The following HMCN1 variants were observed in gnomAD, a reference collection of about 807,000 sequenced individuals.
HMCN1 encodes hemicentin-1.
A neutral mutation model predicts 625.9 loss-of-function variants in HMCN1; 321 were observed. The ratio of observed to expected loss-of-function variants is 0.51; its 90% confidence interval spans 0.47 to 0.56. HMCN1 has a LOEUF of 0.56. HMCN1 is among the 20% of genes least tolerant of loss of function. The pLI is 0.00. For missense variants in HMCN1, 6,588 were observed against 6,887.3 expected (o/e 0.96, Z 1.54); for synonymous variants, 2,425 against 2,417.6 (o/e 1.00, Z -0.09).
chr1:185,746,487 C>T (rs776096748), intron 1 of HMCN1, among the ~76,000 whole-genome samples: 31 of 152,098 alleles, frequency 2.0e-4, no homozygotes, highest in Non-Finnish European at 3.4e-4. Flanking sequence ...TGTCTCCCAA[C>T]TTCTAGTGGT....
At chr1:186,081,681 T>A (rs1659178864) in intron 56 of HMCN1, among the ~76,000 whole-genome samples, 1 of 152,170 alleles carries the variant, frequency 6.6e-6, no homozygotes, top group Non-Finnish European at 1.5e-5. Flanking sequence ...TATAAACAAA[T>A]CATTATTGCA....
chr1:185,956,715 C>G (rs1471007328), intron 11 of HMCN1, among the ~76,000 whole-genome samples: 1 of 152,114 alleles, frequency 6.6e-6, no homozygotes, highest in Non-Finnish European at 1.5e-5. Flanking sequence ...CCTTCATCTC[C>G]TCTCCCTTCC....
At chr1:185,753,542 T>G (rs1654946845) in intron 1 of HMCN1, among the ~76,000 whole-genome samples, 2 of 152,178 alleles carry the variant, frequency 1.3e-5, no homozygotes, top group African/African-American at 2.4e-5. Flanking sequence ...TAAATGTTTC[T>G]TTTTACCTTT....
intron 69 of HMCN1, among the ~76,000 whole-genome samples, chr1:186,104,791 C>T (rs115308296): frequency 1.5e-3 from 227 of 152,266 alleles, no homozygotes; most frequent in African/African-American, 5.2e-3. Context: ...TTCCATTCCC[C>T]TTTTTTCTCT....
At position 186,093,181 on chromosome 1, in the gene HMCN1, C is replaced by A. The variant is rs762096497; in HGVS notation, c.9935C>A (p.Ser3312Tyr). 10 of 1,613,224 alleles carry A rather than the reference C, an allele frequency of 6.2e-6. No homozygotes were observed. Among genetic ancestry groups the A allele is most frequent in the Admixed American group, 1.7e-5 (1 of 59,856 alleles). ...TTAAACATTTATGGAGCTCTTACATCTGACACGGGGAAATACACATGTGTT... is the reference window on the plus strand; with the variant it reads ...TTAAACATTTATGGAGCTCTTACATATGACACGGGGAAATACACATGTGTT... ...STLNIYGALT[S>Y]DTGKYTCVAT... Residue 3312 changes from serine (S) to tyrosine (Y), a missense_variant, in exon 65 of 107, where the codon TCT (serine) becomes TAT (tyrosine). Physicochemically the swap from Ser to Tyr is moderately radical, Grantham distance 144 (BLOSUM62 -2). Transcript: ENST00000271588.
At chr1:185,829,732 T>TATA (rs1660740947) in intron 1 of HMCN1, among the ~76,000 whole-genome samples, 2 of 152,198 alleles carry the variant, frequency 1.3e-5, no homozygotes, top group Admixed American at 6.5e-5. Flanking sequence ...TGTGCATGTG[T>TATA]ATAGTAGAAT....
intron 6 of HMCN1, among the ~76,000 whole-genome samples, chr1:185,914,973 C>T (rs1311186552): frequency 1.3e-5 from 2 of 152,022 alleles, no homozygotes; most frequent in Non-Finnish European, 2.9e-5. Flanking sequence ...AACTGGTTTA[C>T]TTAGCCTGTA....
At chr1:185,915,716 C>T (rs1666662624) in intron 6 of HMCN1, among the ~76,000 whole-genome samples, 1 of 152,042 alleles carries the variant, frequency 6.6e-6, no homozygotes, top group Non-Finnish European at 1.5e-5. Flanking sequence ...AAAAATCATA[C>T]TCAAGTGGCA....
chr1:185,802,364 T>C (rs773003203), intron 1 of HMCN1, among the ~76,000 whole-genome samples: 2 of 152,112 alleles, frequency 1.3e-5, no homozygotes, highest in African/African-American at 4.8e-5. Flanking sequence ...GACATCTTGA[T>C]ATAAGAGATT....
chr1:185,873,275 C>T (rs1436343937), intron 4 of HMCN1, among the ~76,000 whole-genome samples: 2 of 152,122 alleles, frequency 1.3e-5, no homozygotes, highest in African/African-American at 2.4e-5. Flanking sequence ...GTTACTGTGT[C>T]AACCTCAAAG....
chr1:186,115,945 A>T (rs1661113740), intron 75 of HMCN1, among the ~76,000 whole-genome samples: 1 of 152,126 alleles, frequency 6.6e-6, no homozygotes, highest in African/African-American at 2.4e-5. Context: ...TAAATCACTA[A>T]GAATTTCTGA....
chr1:186,136,564 ACAAAT>A, intron 86 of HMCN1, 99 bp from the exon 87 acceptor site: 1 of 1,060,498 alleles, frequency 9.4e-7, no homozygotes, highest in Non-Finnish European at 1.5e-6. Flanking sequence ...TGTTTTATAA[ACAAAT>A]CAATCACTTT....
intron 41 of HMCN1, among the ~76,000 whole-genome samples, chr1:186,047,642 C>T (rs1375686181): frequency 1.3e-5 from 2 of 152,130 alleles, no homozygotes; most frequent in South Asian, 2.1e-4. Context: ...TTCTATGAGA[C>T]ATGCAGGCCT....
intron 10 of HMCN1, among the ~76,000 whole-genome samples, chr1:185,929,801 A>G (rs1313184475): frequency 6.6e-6 from 1 of 152,212 alleles, no homozygotes; most frequent in Non-Finnish European, 1.5e-5. Context: ...TTACTGCTAG[A>G]AAAATAAAGT....
At chr1:185,740,076 A>G (rs1653874223) in intron 1 of HMCN1, among the ~76,000 whole-genome samples, 1 of 152,218 alleles carries the variant, frequency 6.6e-6, no homozygotes, top group Non-Finnish European at 1.5e-5. Context: ...AGTGATAGGA[A>G]GAAGTTAGAG....
chr1:186,108,724 C>T, intron 71 of HMCN1, 127 bp downstream of exon 71: 1 of 1,085,832 alleles, frequency 9.2e-7, no homozygotes, highest in Admixed American at 2.0e-5. Flanking sequence ...AACATTGCAG[C>T]AGTAAGCACA....
intron 11 of HMCN1, among the ~76,000 whole-genome samples, chr1:185,947,605 A>G (rs953626034): frequency 3.3e-5 from 5 of 152,194 alleles, no homozygotes; most frequent in African/African-American, 1.2e-4. Flanking sequence ...CAAATGTCAC[A>G]TCTGATTCCA....
At chr1:186,076,964 C>T (rs1320596544) in intron 54 of HMCN1, among the ~76,000 whole-genome samples, 4 of 152,078 alleles carry the variant, frequency 2.6e-5, no homozygotes, top group East Asian at 3.9e-4. Context: ...TATATATTTA[C>T]AGATCATTAC....
chr1:185,954,120 T>G (rs1649444895), intron 11 of HMCN1, among the ~76,000 whole-genome samples: 1 of 152,050 alleles, frequency 6.6e-6, no homozygotes, highest in Non-Finnish European at 1.5e-5. Flanking sequence ...CATATTCACT[T>G]CTTTTTTGAT....
Sources: allele counts gnomAD v4.1 joint callset (sites outside exome capture counted in the v4.1 genomes callset), GRCh38; gene constraint gnomAD v4.1.1; transcripts MANE v1.5; gene names NCBI Gene and HGNC (gene_info 2026-07-23, HGNC 2026-07-21).